Variants in INPP4B observed in about 807,000 individuals in gnomAD.
INPP4B encodes inositol polyphosphate 4-phosphatase type II.
INPP4B carries 55 observed loss-of-function variants against 122.5 expected under a neutral mutation model. The ratio of observed to expected loss-of-function variants is 0.45; its 90% confidence interval spans 0.36 to 0.56. INPP4B has a LOEUF of 0.56. Among genes scored for constraint, INPP4B ranks in the 20% least tolerant of loss-of-function variants. The probability of loss-of-function intolerance (pLI) is 0.00; values close to 1 mark genes in which losing one functional copy is unlikely to be tolerated. For synonymous variants in INPP4B, 403 were observed against 388.7 expected (o/e 1.04, Z -0.43); for missense variants, 1,000 against 1,097.7 (o/e 0.91, Z 1.26).
In INPP4B at chr4:142,792,206, T is replaced by C. The variant is rs568425424; in HGVS notation, c.-254+54003A>G. On this transcript the variant is annotated intron_variant, in intron 1 of 25. Transcript: ENST00000262992. ...AATTTGAGACTGCAGTGAACAATGA[T>C]GGTGCCTCCAGCCTGGGCAACAGAG... 7.9e-5 allele frequency among the ~76,000 whole-genome samples: 12 copies of C among 152,158 alleles called. No homozygotes were observed. In the South Asian group the frequency reaches 2.3e-3, roughly 29 times the overall value.
chr4:142,323,890 C>T (rs1197644302), intron 7 of INPP4B, among the ~76,000 whole-genome samples: 1 of 151,948 alleles, frequency 6.6e-6, no homozygotes, highest in Non-Finnish European at 1.5e-5. Flanking sequence ...AGAGATTGAT[C>T]TGGGACAGAG....
intron 2 of INPP4B, among the ~76,000 whole-genome samples, chr4:142,586,372 C>T (rs188184755): frequency 2.5e-3 from 386 of 152,134 alleles, no homozygotes; most frequent in Non-Finnish European, 3.9e-3. Flanking sequence ...AATAGAATCC[C>T]TAAGTCTCCT....
chr4:142,264,276 G>T (rs1484449050), intron 10 of INPP4B, among the ~76,000 whole-genome samples: 1 of 152,112 alleles, frequency 6.6e-6, no homozygotes, highest in East Asian at 1.9e-4. Context: ...CAGTGAAAGG[G>T]CCAAAAGTTG....
At chr4:142,458,218 T>G (rs192885577) in intron 3 of INPP4B, among the ~76,000 whole-genome samples, 53 of 152,236 alleles carry the variant, frequency 3.5e-4, no homozygotes, top group African/African-American at 1.3e-3. Context: ...TCTATTTTAA[T>G]GGCATAAATA....
intron 1 of INPP4B, among the ~76,000 whole-genome samples, chr4:142,761,217 A>G (rs564339042): frequency 1.3e-5 from 2 of 151,362 alleles, no homozygotes; most frequent in South Asian, 4.2e-4. Context: ...CACCTTATTG[A>G]GCATTTTTAA....
At chr4:142,419,822 C>G (rs1056111622) in intron 5 of INPP4B, among the ~76,000 whole-genome samples, 1 of 152,090 alleles carries the variant, frequency 6.6e-6, no homozygotes, top group African/African-American at 2.4e-5. Context: ...GACTGACTGA[C>G]AAATTTCAAG....
chr4:142,420,691 C>T (rs903092162), intron 5 of INPP4B, among the ~76,000 whole-genome samples: 2 of 152,098 alleles, frequency 1.3e-5, no homozygotes, highest in African/African-American at 4.8e-5. Context: ...GATTGCTCTA[C>T]ATTCTAGATA....
chr4:142,709,032 G>A (rs1363055556), intron 2 of INPP4B, among the ~76,000 whole-genome samples: 3 of 152,162 alleles, frequency 2.0e-5, no homozygotes, highest in Non-Finnish European at 4.4e-5. Flanking sequence ...GCATCAGAGT[G>A]CCCTGGATGT....
At chr4:142,576,646 T>C (rs956027594) in intron 2 of INPP4B, among the ~76,000 whole-genome samples, 2 of 151,990 alleles carry the variant, frequency 1.3e-5, no homozygotes, top group Non-Finnish European at 2.9e-5. Context: ...TAAGGCCCTT[T>C]CAGTTACACC....
intron 2 of INPP4B, among the ~76,000 whole-genome samples, chr4:142,598,099 ACAGAGAACT>A (rs1235797922): frequency 6.6e-6 from 1 of 152,210 alleles, no homozygotes; most frequent in Non-Finnish European, 1.5e-5. Context: ...CTAGAGTCCA[ACAGAGAACT>A]CATGGGGACC....
At chr4:142,097,783 G>C (rs1292950117) in intron 23 of INPP4B, among the ~76,000 whole-genome samples, 3 of 152,094 alleles carry the variant, frequency 2.0e-5, no homozygotes, top group African/African-American at 7.2e-5. Flanking sequence ...AACAGAAATA[G>C]TGTTACTTTT....
intron 1 of INPP4B, among the ~76,000 whole-genome samples, chr4:142,770,236 A>G (rs1201771756): frequency 6.6e-6 from 1 of 152,218 alleles, no homozygotes; most frequent in African/African-American, 2.4e-5. Context: ...AAGAACCTGA[A>G]GTATTCCATT....
At chr4:142,793,947 G>A (rs999573187) in intron 1 of INPP4B, among the ~76,000 whole-genome samples, 1 of 151,924 alleles carries the variant, frequency 6.6e-6, no homozygotes, top group African/African-American at 2.4e-5. Flanking sequence ...TTCATATATT[G>A]GAAAATTATA....
At chr4:142,176,591 T>G (rs539220989) in intron 15 of INPP4B, among the ~76,000 whole-genome samples, 1 of 152,308 alleles carries the variant, frequency 6.6e-6, no homozygotes, top group South Asian at 2.1e-4. Flanking sequence ...TCTGCACATG[T>G]TCTTTATTCA....
intron 2 of INPP4B, among the ~76,000 whole-genome samples, chr4:142,585,503 G>T (rs1315341980): frequency 1.3e-5 from 2 of 151,994 alleles, no homozygotes; most frequent in Non-Finnish European, 1.5e-5. Flanking sequence ...CTCTCTGTGG[G>T]ATCATCCAGG....
At chr4:142,222,691 G>T (rs111478222) in intron 12 of INPP4B, among the ~76,000 whole-genome samples, 8 of 152,128 alleles carry the variant, frequency 5.3e-5, no homozygotes, top group Non-Finnish European at 1.0e-4. Context: ...GTATTATTCC[G>T]AAATCAGTGT....
chr4:142,231,246 C>T (rs7691738), intron 12 of INPP4B, among the ~76,000 whole-genome samples: 16,132 of 152,256 alleles, frequency 0.11, 953 homozygotes, highest in Middle Eastern at 0.14. Flanking sequence ...GCAGTTGCTG[C>T]GCCGTTATGT....
intron 2 of INPP4B, among the ~76,000 whole-genome samples, chr4:142,644,431 A>C (rs1211125387): frequency 6.6e-6 from 1 of 152,068 alleles, no homozygotes; most frequent in Non-Finnish European, 1.5e-5. Context: ...ATATGAAATT[A>C]TATCAGGGGA....
chr4:142,550,941 G>A (rs1727842208), intron 2 of INPP4B, among the ~76,000 whole-genome samples: 1 of 152,126 alleles, frequency 6.6e-6, no homozygotes, highest in Admixed American at 6.5e-5. Flanking sequence ...GAGTATGAAA[G>A]AGTTAAAGTA....
Sources: allele counts gnomAD v4.1 joint callset (sites outside exome capture counted in the v4.1 genomes callset), GRCh38; gene constraint gnomAD v4.1.1; transcripts MANE v1.5; gene names NCBI Gene and HGNC (gene_info 2026-07-23, HGNC 2026-07-21).